The following TRAK1 variants were observed in gnomAD, a reference collection of about 807,000 sequenced individuals.
The protein encoded by TRAK1 is trafficking kinesin protein 1.
Under a neutral mutation model 92.1 loss-of-function variants are expected in TRAK1, and 33 were observed. The observed-to-expected ratio is 0.36, with a 90% CI of 0.27 to 0.48. The LOEUF (loss-of-function observed/expected upper bound fraction) is 0.48. Among genes scored for constraint, TRAK1 ranks in the 20% least tolerant of loss-of-function variants. The probability of loss-of-function intolerance (pLI) is 0.99; values close to 1 mark genes in which losing one functional copy is unlikely to be tolerated. For synonymous variants in TRAK1, 521 were observed against 517.3 expected (o/e 1.01, Z -0.10); for missense variants, 1,123 against 1,257.9 (o/e 0.89, Z 1.62).
chr3:42,114,639 A>C (rs1356953303), intron 1 of TRAK1, among the ~76,000 whole-genome samples: 3 of 152,212 alleles, frequency 2.0e-5, no homozygotes, highest in Non-Finnish European at 2.9e-5. Flanking sequence ...TTACATTCAT[A>C]CAGCACTGGA....
chr3:42,160,391 A>G, intron 2 of TRAK1: 5 of 1,614,228 alleles, frequency 3.1e-6, no homozygotes, highest in Non-Finnish European at 2.5e-6. Flanking sequence ...GCGGGGAAGA[A>G]GAATGTTTTG....
chr3:42,037,545 A>G (rs1423104290), intron 1 of TRAK1, among the ~76,000 whole-genome samples: 1 of 152,262 alleles, frequency 6.6e-6, no homozygotes, highest in Non-Finnish European at 1.5e-5. Flanking sequence ...ATAGACAGAC[A>G]TTAATGCAAT....
At chr3:42,072,640 C>G (rs1703986244) in intron 1 of TRAK1, among the ~76,000 whole-genome samples, 1 of 148,720 alleles carries the variant, frequency 6.7e-6, no homozygotes, top group African/African-American at 2.5e-5. Flanking sequence ...GATTTCTTTT[C>G]TCTCAGTTGC....
intron 2 of TRAK1, among the ~76,000 whole-genome samples, chr3:42,160,963 AAGAGACC>A (rs1701212709): frequency 6.6e-6 from 1 of 152,204 alleles, no homozygotes. Flanking sequence ...GTTAATGGAC[AAGAGACC>A]AGTCTTATTA....
intron 1 of TRAK1, among the ~76,000 whole-genome samples, chr3:42,042,741 T>A (rs1042966411): frequency 6.6e-6 from 1 of 152,142 alleles, no homozygotes; most frequent in Non-Finnish European, 1.5e-5. Flanking sequence ...AAATTGTTTT[T>A]CAGTGAACCC....
intron 1 of TRAK1, among the ~76,000 whole-genome samples, chr3:42,053,375 T>TGGGGGGGGGG (rs760432112): frequency 5.9e-5 from 3 of 50,620 alleles, no homozygotes; most frequent in Non-Finnish European, 9.4e-5. Flanking sequence ...CAGAGTCGGG[T>TGGGGGGGGGG]GGGGGGGGGG....
chr3:42,039,388 G>C (rs1463560801), intron 1 of TRAK1, among the ~76,000 whole-genome samples: 1 of 152,066 alleles, frequency 6.6e-6, no homozygotes, highest in Non-Finnish European at 1.5e-5. Flanking sequence ...TCTTGAAATG[G>C]AGTCTCGTTC....
At chr3:42,035,954 C>T (rs1702310892) in intron 1 of TRAK1, among the ~76,000 whole-genome samples, 1 of 152,234 alleles carries the variant, frequency 6.6e-6, no homozygotes, top group Admixed American at 6.5e-5. Context: ...TGCTGGCAGT[C>T]TAGGTATTTC....
At chr3:42,043,455 T>C (rs540396852) in intron 1 of TRAK1, among the ~76,000 whole-genome samples, 42 of 152,148 alleles carry the variant, frequency 2.8e-4, no homozygotes, top group African/African-American at 9.6e-4. Flanking sequence ...TCTCTCCTTT[T>C]GTCTTGGGAA....
At chr3:42,173,859 C>T (rs184933979) in intron 2 of TRAK1, among the ~76,000 whole-genome samples, 1 of 152,246 alleles carries the variant, frequency 6.6e-6, no homozygotes, top group Admixed American at 6.5e-5. Context: ...ATGATAGGGG[C>T]ACCATCGGTG....
chr3:42,104,013 G>T (rs1292113268), intron 1 of TRAK1, among the ~76,000 whole-genome samples: 1 of 152,212 alleles, frequency 6.6e-6, no homozygotes, highest in East Asian at 1.9e-4. Flanking sequence ...AGCACACCAA[G>T]AGATTATATC....
intron 1 of TRAK1, among the ~76,000 whole-genome samples, chr3:42,071,445 T>C (rs766022831): frequency 6.6e-6 from 1 of 152,172 alleles, no homozygotes; most frequent in East Asian, 1.9e-4. Flanking sequence ...TGGTGGCTCA[T>C]GTCTGTAATC....
At position 42,210,493 on chromosome 3, in the gene TRAK1, G is replaced by A. The variant is rs1708899075; in HGVS notation, c.1963+508G>A. 3 of 1,214,972 alleles carry A rather than the reference G, an allele frequency of 2.5e-6. No homozygotes were observed. In the African/African-American group the frequency reaches 4.7e-5, roughly 19 times the overall value. The allele number at this position is 1,214,972 out of a possible 1,614,324, so 75.3% of individuals were successfully genotyped here. On this transcript the variant is annotated intron_variant, in intron 14 of 15. Coordinates refer to ENST00000327628, the MANE Select transcript of TRAK1 (RefSeq NM_001042646.3). ...GGTCTGGGTGTCTCCCTGAGTCTAA[G>A]GGGAAGATTCTCAAGTCCCCTGGTG... is the stretch of plus-strand genomic sequence containing the variant.
intron 1 of TRAK1, among the ~76,000 whole-genome samples, chr3:42,074,278 C>T (rs2148941632): frequency 6.6e-6 from 1 of 152,338 alleles, no homozygotes. Context: ...ATGTTAATTA[C>T]TGAGCATAGT....
chr3:42,089,683 C>T (rs1704894038), upstream of TRAK1, among the ~76,000 whole-genome samples: 1 of 150,798 alleles, frequency 6.6e-6, no homozygotes, highest in Non-Finnish European at 1.5e-5. Context: ...TGACCCCCCC[C>T]CAATACAGAG....
intron 6 of TRAK1, among the ~76,000 whole-genome samples, chr3:42,191,188 G>C (rs559169803): frequency 6.6e-6 from 1 of 152,238 alleles, no homozygotes; most frequent in East Asian, 1.9e-4. Context: ...TAGTGTCCTA[G>C]GCACTGTGCG....
intron 12 of TRAK1, among the ~76,000 whole-genome samples, chr3:42,201,606 G>A (rs891601071): frequency 2.2e-4 from 34 of 152,180 alleles, no homozygotes; most frequent in African/African-American, 7.5e-4. Context: ...TGAAATGCTT[G>A]GGGGAAGGAT....
intron 1 of TRAK1, among the ~76,000 whole-genome samples, chr3:42,078,198 G>C (rs964087043): frequency 1.3e-5 from 2 of 152,162 alleles, no homozygotes; most frequent in African/African-American, 4.8e-5. Context: ...TAACATGGGG[G>C]CTCCAGAGAC....
chr3:42,180,632 T>C (rs1017175636), intron 3 of TRAK1, among the ~76,000 whole-genome samples: 2 of 150,088 alleles, frequency 1.3e-5, no homozygotes, highest in Non-Finnish European at 3.0e-5. Flanking sequence ...TGAGCTGTAA[T>C]TGTGCCACTG....
Sources: allele counts gnomAD v4.1 joint callset (sites outside exome capture counted in the v4.1 genomes callset), GRCh38; gene constraint gnomAD v4.1.1; transcripts MANE v1.5; gene names NCBI Gene and HGNC (gene_info 2026-07-23, HGNC 2026-07-21).